Variants in GRM1 observed in about 807,000 individuals in gnomAD.
GRM1 encodes metabotropic glutamate receptor 1.
GRM1 carries 33 observed loss-of-function variants against 90.9 expected under a neutral mutation model. The observed-to-expected ratio is 0.36, with a 90% CI of 0.28 to 0.49. GRM1 has a LOEUF of 0.49. Ranked by LOEUF, GRM1 falls within the 20% of genes least tolerant of loss-of-function variation. The pLI is 0.99. For missense variants in GRM1, 1,190 were observed against 1,534.3 expected, an observed-to-expected ratio of 0.78 and a Z score of 3.75; for synonymous variants, 700 against 613.2, an observed-to-expected ratio of 1.14 and a Z score of -2.09.
intron 2 of GRM1, among the ~76,000 whole-genome samples, chr6:146,213,333 A>G (rs781224586): frequency 1.1e-4 from 16 of 152,144 alleles, no homozygotes; most frequent in Non-Finnish European, 1.6e-4. Flanking sequence ...GCCAGATATT[A>G]GAAGAAATTA....
chr6:146,416,609 AATATCTAT>A (rs1220483023), intron 7 of GRM1, among the ~76,000 whole-genome samples: 1 of 152,160 alleles, frequency 6.6e-6, no homozygotes, highest in East Asian at 1.9e-4. Flanking sequence ...TTGCATAATC[AATATCTAT>A]GTATCCCCAT....
chr6:146,212,080 C>G (rs1004728885), intron 2 of GRM1, among the ~76,000 whole-genome samples: 4 of 152,288 alleles, frequency 2.6e-5, no homozygotes, highest in Non-Finnish European at 4.4e-5. Context: ...GAAGCCTCAA[C>G]TCTACTTTAA....
intron 7 of GRM1, among the ~76,000 whole-genome samples, chr6:146,408,585 A>T (rs1176508926): frequency 1.3e-5 from 2 of 152,242 alleles, no homozygotes. Context: ...CTATACTAAC[A>T]TAAAATTCGT....
At chr6:146,293,641 A>T (rs997851212) in intron 2 of GRM1, among the ~76,000 whole-genome samples, 5 of 151,862 alleles carry the variant, frequency 3.3e-5, no homozygotes, top group African/African-American at 1.2e-4. Flanking sequence ...TCAGTTGGAG[A>T]ATATTCATTT....
chr6:146,395,491 C>T (rs1183998385), intron 6 of GRM1, among the ~76,000 whole-genome samples: 2 of 152,058 alleles, frequency 1.3e-5, no homozygotes. Flanking sequence ...TGTTACACCA[C>T]TGGGTTACTT....
chr6:146,207,375 C>T (rs1352115351), intron 2 of GRM1, among the ~76,000 whole-genome samples: 1 of 152,024 alleles, frequency 6.6e-6, no homozygotes, highest in Admixed American at 6.6e-5. Context: ...GCTTGTTGGC[C>T]ACATGTATGT....
chr6:146,131,953 G>A (rs899108890), intron 1 of GRM1, among the ~76,000 whole-genome samples: 2 of 152,180 alleles, frequency 1.3e-5, no homozygotes, highest in East Asian at 3.9e-4. Context: ...AAACCTGGAT[G>A]ATGAATAGGA....
chr6:146,225,657 ATAAAT>A (rs1302580311), intron 2 of GRM1, among the ~76,000 whole-genome samples: 2 of 152,150 alleles, frequency 1.3e-5, no homozygotes, highest in Non-Finnish European at 1.5e-5. Flanking sequence ...CATTCTAATA[ATAAAT>A]TAACACCAAA....
chr6:146,130,309 G>T lies in GRM1; in HGVS notation c.701-29039G>T, dbSNP rs1221483540. On this transcript the variant is annotated intron_variant, in intron 1 of 7. Transcript: ENST00000282753. The stretch of plus-strand genomic sequence containing the variant: ...AGAAAAAGACAAATAATTTTGTGAA[G>T]AATTTTATCAGTCAGTACACTTATG... Among the ~76,000 whole-genome samples, 12 of 129,810 alleles carry T rather than the reference G, an allele frequency of 9.2e-5. No individual in the cohort carries two copies. In the East Asian group the frequency reaches 2.7e-3, roughly 30 times the overall value. 85.2% of individuals were successfully genotyped at this position (129,810 alleles called of 152,430 possible).
At chr6:146,144,456 C>T (rs1348769258) in intron 1 of GRM1, among the ~76,000 whole-genome samples, 1 of 152,180 alleles carries the variant, frequency 6.6e-6, no homozygotes, top group African/African-American at 2.4e-5. Flanking sequence ...ATGTGATACC[C>T]TGTGCTGCCT....
At chr6:146,418,090 G>A (rs1777850553) in intron 7 of GRM1, among the ~76,000 whole-genome samples, 3 of 152,072 alleles carry the variant, frequency 2.0e-5, no homozygotes, top group African/African-American at 2.4e-5. Flanking sequence ...GTACTCTACT[G>A]TGGAGTTCTG....
intron 1 of GRM1, among the ~76,000 whole-genome samples, chr6:146,056,893 T>C (rs1471276339): frequency 6.6e-6 from 1 of 152,184 alleles, no homozygotes; most frequent in East Asian, 1.9e-4. Flanking sequence ...GTTTCAGTAC[T>C]TGGCTATCTC....
chr6:146,097,427 C>G (rs1776908541), intron 1 of GRM1, among the ~76,000 whole-genome samples: 1 of 151,980 alleles, frequency 6.6e-6, no homozygotes, highest in Admixed American at 6.6e-5. Flanking sequence ...TAGGAAGTAC[C>G]TAAAATAACA....
Position 146,399,733 on chromosome 6 carries a change from C to A in GRM1, c.2660+34C>A. ...TCTGACCTGTTTGTCTCTCTTTTCT[C>A]TTCCTTTCTCTGTCTCTTTCTCTCT... On this transcript the variant is annotated intron_variant, in intron 7 of 7. Coordinates refer to ENST00000282753, the MANE Select transcript of GRM1 (RefSeq NM_001278064.2). This position sits in a 1 kb window ranked among gnomAD's most constrained non-coding sequence, Gnocchi z 5.4. 1.5e-6 allele frequency: 2 copies of A among 1,372,992 alleles called. No homozygotes were observed. Among genetic ancestry groups the A allele is most frequent in the South Asian group, 1.2e-5 (1 of 83,596 alleles). The allele number at this position is 1,372,992 out of a possible 1,614,324, so 85.1% of individuals were successfully genotyped here. A position where few individuals can be genotyped will look rare whatever the true frequency, so the allele number is the denominator to read the frequency against.
At chr6:146,328,407 AT>A (rs1341977707) in intron 3 of GRM1, among the ~76,000 whole-genome samples, 41 of 152,240 alleles carry the variant, frequency 2.7e-4, no homozygotes, top group African/African-American at 6.3e-4. Flanking sequence ...CTCTTATTTG[AT>A]TTCTGGCTTT....
At chr6:146,314,963 A>G (rs955265260) in intron 3 of GRM1, among the ~76,000 whole-genome samples, 1 of 152,198 alleles carries the variant, frequency 6.6e-6, no homozygotes, top group Non-Finnish European at 1.5e-5. Flanking sequence ...CCTCTTACCC[A>G]AAGTTAAAAT....
At chr6:146,305,802 A>G (rs1157599366) in intron 3 of GRM1, among the ~76,000 whole-genome samples, 1 of 152,198 alleles carries the variant, frequency 6.6e-6, no homozygotes, top group East Asian at 1.9e-4. Context: ...AACACTGTAT[A>G]TAGCAAACAA....
intron 1 of GRM1, among the ~76,000 whole-genome samples, chr6:146,065,489 G>T (rs1775814931): frequency 6.6e-6 from 1 of 152,060 alleles, no homozygotes; most frequent in Non-Finnish European, 1.5e-5. Context: ...ATCTTTTAGG[G>T]TAATTGACTG....
chr6:146,196,032 G>C (rs761283214), intron 2 of GRM1, among the ~76,000 whole-genome samples: 4 of 152,176 alleles, frequency 2.6e-5, no homozygotes, highest in Admixed American at 6.5e-5. Context: ...CCTGAACAAA[G>C]GTATCCCAGT....
Sources: gnomAD v4.1 joint callset for allele counts (sites outside exome capture counted in the v4.1 genomes callset) on GRCh38, gnomAD v4.1.1 for gene constraint, Gnocchi (gnomAD v3.1) non-coding constraint, MANE v1.5 for transcripts, NCBI Gene and HGNC (gene_info 2026-07-23, HGNC 2026-07-21) for gene names.